SLC9A8: variants seen among roughly 807,000 people sequenced by gnomAD.
The protein encoded by SLC9A8 is solute carrier family 9 member A8.
Under a neutral mutation model 66.6 loss-of-function variants are expected in SLC9A8, and 48 were observed. The observed-to-expected ratio is 0.72, with a 90% CI of 0.57 to 0.92. The LOEUF (loss-of-function observed/expected upper bound fraction) is 0.92, where lower values mean the gene tolerates loss of function less well. Among genes scored for constraint, SLC9A8 ranks in the 40% least tolerant of loss-of-function variants. SLC9A8 has a pLI of 0.00. For synonymous variants in SLC9A8, 274 were observed against 282.6 expected, an observed-to-expected ratio of 0.97 and a Z score of 0.31; for missense variants, 599 against 747.3, an observed-to-expected ratio of 0.80 and a Z score of 2.31.
chr20:49,836,175 G>A (rs767505332), intron 3 of SLC9A8, among the ~76,000 whole-genome samples: 1 of 152,120 alleles, frequency 6.6e-6, no homozygotes, highest in African/African-American at 2.4e-5. Flanking sequence ...AAAATATATG[G>A]TCTTTTGTGT....
At chr20:49,819,329 C>T (rs1370339548) in intron 2 of SLC9A8, among the ~76,000 whole-genome samples, 1 of 152,156 alleles carries the variant, frequency 6.6e-6, no homozygotes, top group Non-Finnish European at 1.5e-5. Flanking sequence ...CTTTCTTGCT[C>T]GGTTTTTTTC....
At chr20:49,882,822 T>C (rs2089680343) in intron 13 of SLC9A8, among the ~76,000 whole-genome samples, 1 of 152,216 alleles carries the variant, frequency 6.6e-6, no homozygotes, top group Admixed American at 6.5e-5. Context: ...GTGACAGGTT[T>C]AGAGAGGCTG....
chr20:49,855,371 T>G (rs1387829716), intron 7 of SLC9A8, 67 bp from the exon 8 acceptor site: 1 of 1,494,878 alleles, frequency 6.7e-7, no homozygotes, highest in Non-Finnish European at 9.3e-7. Flanking sequence ...CCTTTGACTT[T>G]AATGCTTTAA....
chr20:49,844,909 A>T, intron 4 of SLC9A8, 127 bp from the exon 5 acceptor site: 1 of 509,578 alleles, frequency 2.0e-6, no homozygotes. Flanking sequence ...TCAGGTAGTT[A>T]TTTAAACATT....
chr20:49,887,819 C>T lies in SLC9A8; in HGVS notation c.1639-10C>T. ...ACGCCCTGACGGCTTGGTTGTGTCT[C>T]TCGACCCAGGACCTGCACCACGGGC... On this transcript the variant is annotated splice_polypyrimidine_tract_variant and intron_variant, in intron 15 of 15. Transcript: ENST00000361573. The T allele has an allele frequency of 6.3e-7, 1 of 1,584,338 alleles. No homozygotes were observed. Among genetic ancestry groups the T allele is most frequent in the Non-Finnish European group, 8.6e-7 (1 of 1,163,016 alleles).
chr20:49,885,906 T>C (rs1438802588), intron 14 of SLC9A8, among the ~76,000 whole-genome samples: 1 of 152,218 alleles, frequency 6.6e-6, no homozygotes, highest in African/African-American at 2.4e-5. Flanking sequence ...GGAAACCTGT[T>C]AGATCTGCAG....
chr20:49,867,284 G>A (rs2089013973), intron 10 of SLC9A8, among the ~76,000 whole-genome samples: 1 of 152,014 alleles, frequency 6.6e-6, no homozygotes, highest in Non-Finnish European at 1.5e-5. Flanking sequence ...GTTATTTCTG[G>A]ACTTTTCTTC....
In SLC9A8 at chr20:49,864,458, C is replaced by T. The variant is rs1034530025; in HGVS notation, c.853-281C>T. On this transcript the variant is annotated intron_variant, in intron 9 of 15. Coordinates refer to ENST00000361573, the MANE Select transcript of SLC9A8 (RefSeq NM_015266.3). ...GCACATCCCCAGCCCTCTAAGTCAG[C>T]GTTTTTAAATGAGTTGACTTAGGTT... is the stretch of plus-strand genomic sequence containing the variant. 1.2e-4 allele frequency among the ~76,000 whole-genome samples: 18 copies of T among 152,266 alleles called. 1 individual carries two copies. Among genetic ancestry groups the T allele is most frequent in the South Asian group, 2.1e-4 (1 of 4,826 alleles).
At chr20:49,829,555 CT>C (rs1202303170) in intron 3 of SLC9A8, 4 of 297,944 alleles carry the variant, frequency 1.3e-5, no homozygotes, top group African/African-American at 9.2e-5. Flanking sequence ...GAAAGAAATG[CT>C]TCTTTGTGAA....
intron 3 of SLC9A8, among the ~76,000 whole-genome samples, chr20:49,833,189 CCG>C (rs1349466136): frequency 6.6e-6 from 1 of 152,190 alleles, no homozygotes; most frequent in African/African-American, 2.4e-5. Flanking sequence ...CAGGTGTGAG[CCG>C]CCATGCCTAG....
At chr20:49,858,965 A>G (rs1299975323) in intron 8 of SLC9A8, among the ~76,000 whole-genome samples, 2 of 147,116 alleles carry the variant, frequency 1.4e-5, no homozygotes, top group Admixed American at 6.6e-5. Flanking sequence ...CAAAAAAAAA[A>G]AAAAGAAAGA....
intron 7 of SLC9A8, among the ~76,000 whole-genome samples, chr20:49,852,436 C>G (rs895334901): frequency 2.0e-5 from 3 of 152,148 alleles, no homozygotes; most frequent in Admixed American, 6.5e-5. Context: ...CTTTTTGCAA[C>G]CTCTGCACTG....
chr20:49,874,081 C>G (rs1180477783), intron 10 of SLC9A8, among the ~76,000 whole-genome samples: 1 of 152,104 alleles, frequency 6.6e-6, no homozygotes, highest in Non-Finnish European at 1.5e-5. Flanking sequence ...GAAACCTCTT[C>G]TCTACTAAAA....
At chr20:49,855,344 C>T (rs892079160) in intron 7 of SLC9A8, 94 bp from the exon 8 acceptor site, 11 of 1,277,858 alleles carry the variant, frequency 8.6e-6, no homozygotes, top group Non-Finnish European at 1.2e-5. Context: ...TGTAGTATTG[C>T]TTTCTGTTAA....
intron 3 of SLC9A8, among the ~76,000 whole-genome samples, chr20:49,828,072 AATTTTTTT>A (rs1205334020): frequency 4.9e-5 from 7 of 143,078 alleles, no homozygotes. Context: ...ACCAAAAAAA[AATTTTTTT>A]TTTTTTTTTT....
chr20:49,877,704 TC>T (rs2089475428), intron 11 of SLC9A8, among the ~76,000 whole-genome samples: 1 of 152,228 alleles, frequency 6.6e-6, no homozygotes, highest in South Asian at 2.1e-4. Flanking sequence ...TTTATCATCT[TC>T]CCTGGGTGGG....
rs533619652 is a variant in SLC9A8 at position 49,829,345 on chromosome 20, C to A, written c.289+6204C>A. The stretch of plus-strand genomic sequence containing the variant: ...CCATCCTGGCTAACATGGTGAAATC[C>A]CGTCTATACTAAAAATACAAAAAAA... On this transcript the variant is annotated intron_variant, in intron 3 of 15. Coordinates refer to ENST00000361573, the MANE Select transcript of SLC9A8 (RefSeq NM_015266.3). 28 of 157,984 alleles carry A rather than the reference C, an allele frequency of 1.8e-4. No homozygotes were observed. In the South Asian group the frequency reaches 2.7e-3, roughly 15 times the overall value. The allele number at this position is 157,984 out of a possible 1,614,324, so 9.8% of individuals were successfully genotyped here. A position where few individuals can be genotyped will look rare whatever the true frequency, so the allele number is the denominator to read the frequency against.
At chr20:49,859,715 C>G (rs1302094172) in intron 8 of SLC9A8, among the ~76,000 whole-genome samples, 2 of 152,106 alleles carry the variant, frequency 1.3e-5, no homozygotes, top group East Asian at 3.9e-4. Flanking sequence ...TCTTCGGTAA[C>G]TTGAATTCAT....
intron 5 of SLC9A8, 73 bp from the exon 6 acceptor site, chr20:49,849,506 G>A: frequency 8.9e-7 from 1 of 1,118,104 alleles, no homozygotes; most frequent in Non-Finnish European, 1.4e-6. Flanking sequence ...GGAGGGCCAG[G>A]TGTGCAGGCC....
Sources: allele counts gnomAD v4.1 joint callset (sites outside exome capture counted in the v4.1 genomes callset), GRCh38; gene constraint gnomAD v4.1.1; transcripts MANE v1.5; gene names NCBI Gene and HGNC (gene_info 2026-07-23, HGNC 2026-07-21).